The following PCSK5 variants were observed in gnomAD, a reference collection of about 807,000 sequenced individuals.
PCSK5 encodes proprotein convertase subtilisin/kexin type 5.
In PCSK5, 129 loss-of-function variants were observed where a neutral mutation model predicts 233.2. The observed-to-expected ratio is 0.55, with a 90% CI of 0.48 to 0.64. The LOEUF (loss-of-function observed/expected upper bound fraction) is 0.64. Among genes scored for constraint, PCSK5 ranks in the 30% least tolerant of loss-of-function variants. The probability of loss-of-function intolerance (pLI) is 0.00; values close to 1 mark genes in which losing one functional copy is unlikely to be tolerated. For missense variants in PCSK5, 2,076 were observed against 2,430.1 expected (o/e 0.85, Z 3.06); for synonymous variants, 825 against 879.2 (o/e 0.94, Z 1.09).
intron 3 of PCSK5, among the ~76,000 whole-genome samples, chr9:76,018,216 T>C (rs1355020192): frequency 6.6e-6 from 1 of 152,180 alleles, no homozygotes; most frequent in Non-Finnish European, 1.5e-5. Context: ...CATTGATTGT[T>C]ACACATTTAG....
intron 24 of PCSK5, among the ~76,000 whole-genome samples, chr9:76,272,044 ATAGAG>A (rs1172471610): frequency 1.3e-5 from 2 of 152,198 alleles, no homozygotes; most frequent in African/African-American, 4.8e-5. Context: ...TGCCAAGTAC[ATAGAG>A]TATTTGAATA....
intron 28 of PCSK5, among the ~76,000 whole-genome samples, chr9:76,303,371 G>C (rs1194324555): frequency 6.6e-6 from 1 of 152,076 alleles, no homozygotes; most frequent in African/African-American, 2.4e-5. Context: ...GGAGTATGCA[G>C]TAAAATACCA....
intron 2 of PCSK5, among the ~76,000 whole-genome samples, chr9:75,938,624 A>G (rs962181439): frequency 9.8e-5 from 15 of 152,378 alleles, no homozygotes; most frequent in African/African-American, 3.4e-4. Context: ...GCAAAGTGCA[A>G]TAAAGAGAAG....
At chr9:76,088,617 C>T (rs1394726710) in intron 7 of PCSK5, among the ~76,000 whole-genome samples, 2 of 152,088 alleles carry the variant, frequency 1.3e-5, no homozygotes, top group Non-Finnish European at 2.9e-5. Flanking sequence ...AGTCTTAACT[C>T]GATTCCATAT....
At chr9:76,234,074 T>G (rs1826179048) in intron 22 of PCSK5, among the ~76,000 whole-genome samples, 1 of 152,122 alleles carries the variant, frequency 6.6e-6, no homozygotes, top group African/African-American at 2.4e-5. Flanking sequence ...ACTAAAAGTT[T>G]CCTGCTGTCA....
chr9:76,358,881 G>A lies in PCSK5; in HGVS notation c.5623G>A (p.Glu1875Lys). ...YGLLDDDDID[E>K]LEYDDESYSY... ...GCTGCTGGATGACGATGACATAGAT[G>A]AGCTGGAATATGATGACGAGAGTTA... Residue 1875 changes from glutamate to lysine, a missense_variant, in exon 38 of 38, where the codon GAG becomes AAG. Glu to Lys is a moderately conservative substitution (Grantham distance 56, BLOSUM62 1). Coordinates refer to ENST00000674117, the MANE Select transcript of PCSK5 (RefSeq NM_001372043.1). The A allele has an allele frequency of 6.2e-7, 1 of 1,612,814 alleles. No individual in the cohort carries two copies. The highest frequency in any genetic ancestry group is 8.5e-7 in the Non-Finnish European group (1 of 1,179,884).
intron 5 of PCSK5, among the ~76,000 whole-genome samples, chr9:76,051,420 A>T (rs1050438051): frequency 6.6e-6 from 1 of 152,202 alleles, no homozygotes; most frequent in African/African-American, 2.4e-5. Context: ...AGACTTGAGA[A>T]AGGAAGGAGG....
intron 27 of PCSK5, among the ~76,000 whole-genome samples, chr9:76,299,243 T>C (rs1294780228): frequency 3.3e-5 from 5 of 152,208 alleles, no homozygotes; most frequent in African/African-American, 7.2e-5. Flanking sequence ...TAATCAAAGA[T>C]TGTGCTCGAC....
At chr9:76,272,936 C>A (rs17062309) in intron 24 of PCSK5, among the ~76,000 whole-genome samples, 5,418 of 152,132 alleles carry the variant, frequency 0.036, 311 homozygotes, top group African/African-American at 0.12. Context: ...CTACCCCAAA[C>A]TCTTTGCAAT....
At chr9:76,230,184 G>A (rs1325262558) in intron 21 of PCSK5, among the ~76,000 whole-genome samples, 3 of 152,196 alleles carry the variant, frequency 2.0e-5, no homozygotes, top group African/African-American at 7.2e-5. Context: ...AGAATGTGGG[G>A]TGGGTCGTGG....
intron 5 of PCSK5, among the ~76,000 whole-genome samples, chr9:76,032,007 C>CT (rs1281961997): frequency 1.3e-5 from 2 of 152,144 alleles, no homozygotes; most frequent in Non-Finnish European, 2.9e-5. Context: ...TGTCTGCTTC[C>CT]TTGGGGCTGG....
At chr9:76,296,622 G>T (rs757492669) in intron 26 of PCSK5, 43 bp from the exon 27 acceptor site, 133 of 1,363,628 alleles carry the variant, frequency 9.8e-5, no homozygotes, top group Non-Finnish European at 1.3e-4. Context: ...GCCTTGCAAA[G>T]ATCACTAAAG....
At position 76,185,312 on chromosome 9, in the gene PCSK5, A is replaced by G. The variant is rs572666784; in HGVS notation, c.2282+555A>G. Among the ~76,000 whole-genome samples, 6 of 152,302 alleles carry G rather than the reference A, an allele frequency of 3.9e-5. No individual in the cohort carries two copies. In the South Asian group the frequency reaches 1.0e-3, roughly 26 times the overall value. On this transcript the variant is annotated intron_variant, in intron 17 of 37. Transcript: ENST00000674117. ...AAGCTCAATAGTTGGTCAACTCTCTAAGAGAACAATGTACAGCTCAAATTA... is the reference window on the plus strand; with the variant it reads ...AAGCTCAATAGTTGGTCAACTCTCTGAGAGAACAATGTACAGCTCAAATTA...
At chr9:76,076,170 G>A (rs1395088617) in intron 7 of PCSK5, among the ~76,000 whole-genome samples, 1 of 152,146 alleles carries the variant, frequency 6.6e-6, no homozygotes, top group Non-Finnish European at 1.5e-5. Context: ...AAGAACCCCA[G>A]GTAGGGAAAG....
At chr9:76,342,255 T>C (rs1829855198) in intron 35 of PCSK5, among the ~76,000 whole-genome samples, 1 of 152,198 alleles carries the variant, frequency 6.6e-6, no homozygotes, top group African/African-American at 2.4e-5. Context: ...AGAAGAGGAT[T>C]GTACCCTAAA....
intron 1 of PCSK5, among the ~76,000 whole-genome samples, chr9:75,894,140 T>G (rs541460503): frequency 6.6e-6 from 1 of 152,344 alleles, no homozygotes; most frequent in African/African-American, 2.4e-5. Flanking sequence ...TGTTGCAAAT[T>G]GGAACTGAAA....
At chr9:76,289,500 C>CGCAACAT (rs1221666152) in intron 24 of PCSK5, among the ~76,000 whole-genome samples, 1,751 of 120,458 alleles carry the variant, frequency 0.015, 38 homozygotes, top group African/African-American at 0.053. Flanking sequence ...CACACACACA[C>CGCAACAT]ACACACACAC....
At chr9:75,896,665 A>C (rs1825818492) in intron 1 of PCSK5, among the ~76,000 whole-genome samples, 1 of 152,224 alleles carries the variant, frequency 6.6e-6, no homozygotes, top group African/African-American at 2.4e-5. Flanking sequence ...CTGGCTGGTA[A>C]AAATAAATGC....
At chr9:75,949,355 G>C (rs1824736778) in intron 2 of PCSK5, among the ~76,000 whole-genome samples, 3 of 151,634 alleles carry the variant, frequency 2.0e-5, no homozygotes, top group Admixed American at 2.0e-4. Flanking sequence ...AAGGTGTAAG[G>C]ACTGACCAAA....
Sources: allele counts gnomAD v4.1 joint callset (sites outside exome capture counted in the v4.1 genomes callset), GRCh38; gene constraint gnomAD v4.1.1; transcripts MANE v1.5; gene names NCBI Gene and HGNC (gene_info 2026-07-23, HGNC 2026-07-21).